The following C8orf34 variants were observed in gnomAD, a reference collection of about 807,000 sequenced individuals.
The protein encoded by C8orf34 is uncharacterized protein C8orf34.
C8orf34 carries 65 observed loss-of-function variants against 68.3 expected under a neutral mutation model. The ratio of observed to expected loss-of-function variants is 0.95; its 90% CI spans 0.78 to 1.17. The LOEUF (loss-of-function observed/expected upper bound fraction) is 1.17, where lower values mean the gene tolerates loss of function less well. Ranked by LOEUF, C8orf34 falls within the 50% of genes most tolerant of loss-of-function variation. The probability of loss-of-function intolerance (pLI) is 0.00; values close to 1 mark genes in which losing one functional copy is unlikely to be tolerated. For missense variants in C8orf34, 664 were observed against 655.4 expected, an observed-to-expected ratio of 1.01 and a Z score of -0.14; for synonymous variants, 244 against 241.2, an observed-to-expected ratio of 1.01 and a Z score of -0.11.
At chr8:68,410,792 T>C (rs1338749077) in intron 1 of C8orf34, among the ~76,000 whole-genome samples, 1 of 152,180 alleles carries the variant, frequency 6.6e-6, no homozygotes, top group Non-Finnish European at 1.5e-5. Flanking sequence ...AAAGGTTCTT[T>C]GACTTTCTCC....
In C8orf34 at chr8:68,539,278, T is replaced by C. The variant is rs1815611491; in HGVS notation, c.1105+6129T>C. 2.0e-5 allele frequency among the ~76,000 whole-genome samples: 3 copies of C among 152,272 alleles called. 1 individual carries two copies. The highest frequency in any genetic ancestry group is 4.1e-4 in the South Asian group (2 of 4,824). ...AGTAGTAATTTTCATCTAACTTGAC[T>C]GAGTTTAAATTTTGTACTCTATTTA... is the stretch of plus-strand genomic sequence containing the variant. On this transcript the variant is annotated intron_variant, in intron 7 of 13. Transcript: ENST00000518698.
intron 1 of C8orf34, among the ~76,000 whole-genome samples, chr8:68,404,149 T>C (rs1466434327): frequency 6.6e-6 from 1 of 152,232 alleles, no homozygotes; most frequent in Non-Finnish European, 1.5e-5. Flanking sequence ...TTTTTTCATA[T>C]GTTTGTTGGC....
intron 1 of C8orf34, among the ~76,000 whole-genome samples, chr8:68,414,702 A>T (rs547919393): frequency 1.6e-4 from 24 of 152,266 alleles, no homozygotes; most frequent in Non-Finnish European, 1.5e-5. Flanking sequence ...ATTATTCATG[A>T]TGTTATTCAA....
chr8:68,487,901 T>C, intron 4 of C8orf34, 122 bp from the exon 5 acceptor site: 1 of 624,946 alleles, frequency 1.6e-6, no homozygotes, highest in Non-Finnish European at 2.8e-6. Context: ...GAAGCACTAA[T>C]AAAAAGAAAA....
chr8:68,544,671 A>G (rs1815812469), intron 7 of C8orf34, among the ~76,000 whole-genome samples: 1 of 152,172 alleles, frequency 6.6e-6, no homozygotes, highest in Non-Finnish European at 1.5e-5. Flanking sequence ...TAAGGAGTAA[A>G]TAGATGGAAA....
At chr8:68,656,775 G>T (rs899726419) in intron 8 of C8orf34, among the ~76,000 whole-genome samples, 2 of 152,000 alleles carry the variant, frequency 1.3e-5, no homozygotes, top group Admixed American at 6.6e-5. Context: ...TGCCTTCCTG[G>T]ATCCAATCTT....
In C8orf34 at chr8:68,450,136, CT is replaced by C. The variant is rs200473541; in HGVS notation, c.607+3683del. 2.2e-3 allele frequency among the ~76,000 whole-genome samples: 330 copies of C among 152,226 alleles called. 1 individual carries two copies. The highest frequency in any genetic ancestry group is 7.1e-3 in the African/African-American group (296 of 41,554). On this transcript the variant is annotated intron_variant, in intron 3 of 13. Coordinates refer to ENST00000518698, the MANE Select transcript of C8orf34 (RefSeq NM_052958.4). Reference sequence around the variant, plus strand: ...GAGTAGATTCTATTTGAAGAAACCACTTTTTTTCCACTCATCCATAAGAAGC... The same window carrying C: ...GAGTAGATTCTATTTGAAGAAACCACTTTTTTCCACTCATCCATAAGAAGC...
intron 5 of C8orf34, among the ~76,000 whole-genome samples, chr8:68,507,464 A>G (rs1213513754): frequency 1.3e-5 from 2 of 152,204 alleles, no homozygotes; most frequent in African/African-American, 2.4e-5. Context: ...AGAAATTCTG[A>G]AATCTTGCTG....
chr8:68,592,831 A>T (rs1817437877), intron 7 of C8orf34, among the ~76,000 whole-genome samples: 1 of 151,834 alleles, frequency 6.6e-6, no homozygotes, highest in African/African-American at 2.4e-5. Flanking sequence ...CTGGTCTCGA[A>T]CTTCTGACCT....
chr8:68,751,329 C>A (rs547701407), intron 10 of C8orf34, among the ~76,000 whole-genome samples: 1 of 152,268 alleles, frequency 6.6e-6, no homozygotes, highest in African/African-American at 2.4e-5. Flanking sequence ...CATGGTATTT[C>A]AAGTAGAACC....
intron 8 of C8orf34, among the ~76,000 whole-genome samples, chr8:68,654,589 A>G (rs1341406225): frequency 1.3e-5 from 2 of 152,148 alleles, no homozygotes; most frequent in Non-Finnish European, 1.5e-5. Flanking sequence ...TGACCTACAA[A>G]TACATCGTAT....
rs146716610 is a variant in C8orf34 at position 68,459,316 on chromosome 8, G to A, written c.608-9376G>A. Among the ~76,000 whole-genome samples, 372 of 152,112 alleles carry A rather than the reference G, an allele frequency of 2.4e-3. 1 individual carries two copies. The highest frequency in any genetic ancestry group is 8.0e-3 in the African/African-American group (331 of 41,514). ...ATGGTCTCAGTTCACTGCAACCTCC[G>A]TCTCCCAGGTTCAAGTGATTCTCCT... is the stretch of plus-strand genomic sequence containing the variant. On this transcript the variant is annotated intron_variant, in intron 3 of 13. Transcript: ENST00000518698.
At chr8:68,730,109 A>G (rs149903326) in intron 10 of C8orf34, among the ~76,000 whole-genome samples, 1 of 152,290 alleles carries the variant, frequency 6.6e-6, no homozygotes, top group Non-Finnish European at 1.5e-5. Context: ...CATTTATGGA[A>G]TTAAGATTAA....
In C8orf34 at chr8:68,756,308, A is replaced by G. The variant is rs143109154; in HGVS notation, c.1405-20091A>G. On this transcript the variant is annotated intron_variant, in intron 10 of 13. Coordinates refer to ENST00000518698, the MANE Select transcript of C8orf34 (RefSeq NM_052958.4). ...TGCTCTGATGCTATAGATCACTTAC[A>G]CAGAATTAATTCCATTATGTACTAA... Among the ~76,000 whole-genome samples, 162 of 152,312 alleles carry G rather than the reference A, an allele frequency of 1.1e-3. 2 individuals are homozygous for G. The highest frequency in any genetic ancestry group is 1.7e-3 in the Non-Finnish European group (115 of 68,020).
intron 8 of C8orf34, among the ~76,000 whole-genome samples, chr8:68,688,269 G>T (rs1372123459): frequency 6.6e-6 from 1 of 151,980 alleles, no homozygotes; most frequent in East Asian, 1.9e-4. Context: ...CTATTCAAAG[G>T]AAAATAAGTA....
At chr8:68,766,907 G>A (rs988290293) in intron 10 of C8orf34, among the ~76,000 whole-genome samples, 10 of 152,150 alleles carry the variant, frequency 6.6e-5, no homozygotes, top group Non-Finnish European at 1.5e-5. Context: ...TTTGAGGCTG[G>A]GCACAGTGGC....
At chr8:68,697,475 G>A (rs1040212334) in intron 8 of C8orf34, among the ~76,000 whole-genome samples, 1 of 152,032 alleles carries the variant, frequency 6.6e-6, no homozygotes, top group Non-Finnish European at 1.5e-5. Context: ...TAGAATCTTA[G>A]TGTGAGCATT....
intron 1 of C8orf34, among the ~76,000 whole-genome samples, chr8:68,371,583 CACTT>C (rs1401612523): frequency 1.3e-5 from 2 of 151,388 alleles, no homozygotes; most frequent in African/African-American, 2.4e-5. Flanking sequence ...CTGAGCTTGC[CACTT>C]ACTTCATTTC....
intron 7 of C8orf34, among the ~76,000 whole-genome samples, chr8:68,585,512 G>A (rs146986155): frequency 5.5e-4 from 84 of 152,220 alleles, no homozygotes; most frequent in African/African-American, 1.9e-3. Context: ...TATGATATTA[G>A]TTATCTATGC....
Sources: gnomAD v4.1 joint callset for allele counts (sites outside exome capture counted in the v4.1 genomes callset) on GRCh38, gnomAD v4.1.1 for gene constraint, MANE v1.5 for transcripts, NCBI Gene and HGNC (gene_info 2026-07-23, HGNC 2026-07-21) for gene names.